NDUFAB1: variants seen among roughly 807,000 people sequenced by gnomAD.
The protein encoded by NDUFAB1 is NADH:ubiquinone oxidoreductase subunit AB1.
Under a neutral mutation model 16.1 loss-of-function variants are expected in NDUFAB1, and 5 were observed. The ratio of observed to expected loss-of-function variants is 0.31; its 90% confidence interval spans 0.16 to 0.65. NDUFAB1 has a LOEUF of 0.65. NDUFAB1 is among the 30% of genes least tolerant of loss of function. The probability of loss-of-function intolerance (pLI) is 0.77; values close to 1 mark genes in which losing one functional copy is unlikely to be tolerated. For missense variants in NDUFAB1, 187 were observed against 205.3 expected (o/e 0.91, Z 0.54); for synonymous variants, 85 against 78.4 (o/e 1.08, Z -0.44).
intron 3 of NDUFAB1, among the ~76,000 whole-genome samples, chr16:23,583,684 C>A (rs1421288652): frequency 1.6e-5 from 2 of 125,864 alleles, no homozygotes; most frequent in Non-Finnish European, 3.3e-5. Flanking sequence ...AAGTGAGGAG[C>A]CCCTCTGCCC....
rs1210662756 is a variant in NDUFAB1, at chr16:23,582,391, A to G, written c.380-16T>C. On this transcript the variant is annotated splice_polypyrimidine_tract_variant and intron_variant, in intron 3 of 4. Coordinates refer to ENST00000007516, the MANE Select transcript of NDUFAB1 (RefSeq NM_005003.3). ...ATTTCAAACCCTAAAAGAAAAATAT[A>G]CAACAATGTGAGAGAGTTAAAAAAA... 4 of 1,546,130 alleles carry G rather than the reference A, an allele frequency of 2.6e-6. No homozygotes were observed. The Admixed American group carries it at 8.8e-5, about 34-fold the overall frequency.
At chr16:23,588,871 A>G (rs1966255105) in intron 1 of NDUFAB1, among the ~76,000 whole-genome samples, 1 of 152,108 alleles carries the variant, frequency 6.6e-6, no homozygotes, top group Admixed American at 6.5e-5. Flanking sequence ...CCAGCTATTC[A>G]GGTAGCTGAG....
intron 1 of NDUFAB1, among the ~76,000 whole-genome samples, chr16:23,594,937 G>C (rs1181949719): frequency 1.3e-5 from 2 of 151,918 alleles, no homozygotes; most frequent in South Asian, 2.1e-4. Flanking sequence ...GCACTTCAGA[G>C]TCATCTGGAG....
intron 1 of NDUFAB1, among the ~76,000 whole-genome samples, 184 bp downstream of exon 1, chr16:23,595,939 G>T (rs1385497136): frequency 6.6e-6 from 1 of 152,196 alleles, no homozygotes; most frequent in Non-Finnish European, 1.5e-5. Flanking sequence ...TCGTTATTAC[G>T]AGGTCACCCG....
Position 23,582,270 on chromosome 16 carries a change from A to C in NDUFAB1, c.*8+6T>G, listed in dbSNP as rs1388734812. 2 of 1,496,156 alleles carry C rather than the reference A, an allele frequency of 1.3e-6. No individual in the cohort carries two copies. The highest frequency in any genetic ancestry group is 1.8e-6 in the Non-Finnish European group (2 of 1,123,882). The allele number at this position is 1,496,156 out of a possible 1,614,324, so 92.7% of individuals were successfully genotyped here. ...TGGGTGAACATCATTTTTTAAGTCT[A>C]TTTACCTGATACTTTATTCATATAC... On this transcript the variant is annotated splice_donor_region_variant and intron_variant, in intron 4 of 4. Coordinates refer to ENST00000007516, the MANE Select transcript of NDUFAB1 (RefSeq NM_005003.3).
intron 1 of NDUFAB1, among the ~76,000 whole-genome samples, chr16:23,589,025 C>T (rs1013809660): frequency 6.6e-6 from 1 of 152,016 alleles, no homozygotes; most frequent in East Asian, 1.9e-4. Flanking sequence ...TTAGGCTGGG[C>T]GCAGTGGCTC....
intron 1 of NDUFAB1, among the ~76,000 whole-genome samples, chr16:23,593,942 A>G (rs955713577): frequency 3.3e-5 from 5 of 151,830 alleles, no homozygotes; most frequent in Non-Finnish European, 7.4e-5. Flanking sequence ...GTGCAGTGGC[A>G]CGATCTCGGC....
At position 23,596,112 on chromosome 16, in the gene NDUFAB1, C is replaced by A. The variant is rs1347934320; in HGVS notation, c.168+11G>T. 3.1e-6 allele frequency: 5 copies of A among 1,604,054 alleles called. No individual in the cohort carries two copies. Among genetic ancestry groups the A allele is most frequent in the Non-Finnish European group, 4.3e-6 (5 of 1,175,964 alleles). ...CCCTTGCCAAGCGGCAGCAAAGTCA[C>A]CACGAGTCACCTGCGCGAGCACTAA... On this transcript the variant is annotated intron_variant, in intron 1 of 4. Transcript: ENST00000007516.
At chr16:23,586,117 G>A (rs183301460) in intron 2 of NDUFAB1, among the ~76,000 whole-genome samples, 9 of 151,928 alleles carry the variant, frequency 5.9e-5, no homozygotes, top group East Asian at 2.0e-4. Context: ...TAGTAGAGAC[G>A]GGGTTTCACC....
At chr16:23,587,357 G>A in intron 1 of NDUFAB1, 38 bp from the exon 2 acceptor site, 1 of 1,608,404 alleles carries the variant, frequency 6.2e-7, no homozygotes, top group Non-Finnish European at 8.5e-7. Flanking sequence ...GTCATTGAAT[G>A]GAAAATACCT....
intron 2 of NDUFAB1, among the ~76,000 whole-genome samples, chr16:23,586,326 C>A (rs951303682): frequency 6.6e-6 from 1 of 151,928 alleles, no homozygotes. Flanking sequence ...CTTACCTACA[C>A]AACAGATTCA....
In NDUFAB1 at chr16:23,589,942, GAA is replaced by G. The variant is rs57098255; in HGVS notation, c.169-2625_169-2624del. Reference sequence around the variant, plus strand: ...CAGGGTGAGACTCTGTCTCCAAAAAGAAAAAAAAAAAAAAAAAAAAAAAGAAA... The same window carrying G: ...CAGGGTGAGACTCTGTCTCCAAAAAGAAAAAAAAAAAAAAAAAAAAAGAAA... On this transcript the variant is annotated intron_variant, in intron 1 of 4. Coordinates refer to ENST00000007516, the MANE Select transcript of NDUFAB1 (RefSeq NM_005003.3). Among the ~76,000 whole-genome samples the G allele has an allele frequency of 1.9e-3, 137 of 70,500 alleles. 1 individual carries two copies. Among genetic ancestry groups the G allele is most frequent in the African/African-American group, 4.9e-3 (108 of 22,210 alleles). The allele number at this position is 70,500 out of a possible 152,430, so 46.3% of individuals were successfully genotyped here. A position where few individuals can be genotyped will look rare whatever the true frequency, so the allele number is the denominator to read the frequency against.
intron 1 of NDUFAB1, among the ~76,000 whole-genome samples, chr16:23,589,429 A>G (rs975861821): frequency 6.6e-6 from 1 of 152,202 alleles, no homozygotes; most frequent in Non-Finnish European, 1.5e-5. Flanking sequence ...CTAAATGTCT[A>G]GTCTCCTTTC....
chr16:23,595,706 G>C (rs1431730554), intron 1 of NDUFAB1: 2 of 456,812 alleles, frequency 4.4e-6, no homozygotes, highest in Non-Finnish European at 8.6e-6. Context: ...AGGCCAGTGT[G>C]GCTGCCTCTT....
In NDUFAB1 at chr16:23,591,317, G is replaced by A. The variant is rs140554785; in HGVS notation, c.169-3998C>T. Among the ~76,000 whole-genome samples the A allele has an allele frequency of 2.4e-4, 36 of 152,310 alleles. 1 individual carries two copies. The highest frequency in any genetic ancestry group is 1.0e-3 in the South Asian group (5 of 4,826). On this transcript the variant is annotated intron_variant, in intron 1 of 4. Coordinates refer to ENST00000007516, the MANE Select transcript of NDUFAB1 (RefSeq NM_005003.3). Reference sequence around the variant, plus strand: ...ACATCAGAGAAGGTACTGTTTGCAGGTAAAGAGTGATGACCCTCTGGGCTA... The same window carrying A: ...ACATCAGAGAAGGTACTGTTTGCAGATAAAGAGTGATGACCCTCTGGGCTA...
chr16:23,587,365 C>T (rs1205865264), intron 1 of NDUFAB1, 46 bp from the exon 2 acceptor site: 2 of 1,605,230 alleles, frequency 1.2e-6, no homozygotes, highest in Admixed American at 1.7e-5. Context: ...ATGGAAAATA[C>T]CTCTAAATCA....
intron 3 of NDUFAB1, among the ~76,000 whole-genome samples, 190 bp from the exon 4 acceptor site, chr16:23,582,565 A>ATGTT (rs56827728): frequency 0.13 from 19,972 of 151,516 alleles, 1,518 homozygotes; most frequent in African/African-American, 0.2. Context: ...CTTTGGAGGT[A>ATGTT]TGTTTGTTTG....
chr16:23,588,433 G>A (rs1367638835), intron 1 of NDUFAB1, among the ~76,000 whole-genome samples: 5 of 151,882 alleles, frequency 3.3e-5, no homozygotes, highest in African/African-American at 9.7e-5. Context: ...CAGCCTGGGC[G>A]ACAAAGCAAG....
intron 3 of NDUFAB1, 148 bp downstream of exon 3, chr16:23,585,188 T>C: frequency 1.6e-6 from 1 of 624,554 alleles, no homozygotes; most frequent in East Asian, 2.8e-5. Flanking sequence ...TGATGGTAAG[T>C]GGGCAGGAAG....
Sources: allele counts gnomAD v4.1 joint callset (sites outside exome capture counted in the v4.1 genomes callset), GRCh38; gene constraint gnomAD v4.1.1; transcripts MANE v1.5; gene names NCBI Gene and HGNC (gene_info 2026-07-23, HGNC 2026-07-21).